Variants in OPHN1 observed in about 807,000 individuals in gnomAD.
OPHN1 encodes oligophrenin-1.
In OPHN1, 11 loss-of-function variants were observed where a neutral mutation model predicts 60.7. The observed-to-expected ratio is 0.18, with a 90% CI of 0.11 to 0.30. OPHN1 has a LOEUF of 0.30. OPHN1 is among the 10% of genes least tolerant of loss of function. The pLI, the probability that OPHN1 is intolerant of heterozygous loss-of-function variation, is 1.00. For synonymous variants in OPHN1, 226 were observed against 222.6 expected (o/e 1.02, Z -0.14); for missense variants, 449 against 611.0 (o/e 0.73, Z 2.80).
intron 8 of OPHN1, 62 bp from the exon 9 acceptor site, chrX:68,210,344 T>A (rs189829645): frequency 9.0e-7 from 1 of 1,115,684 alleles, no homozygotes; most frequent in Non-Finnish European, 1.2e-6. Flanking sequence ...AAAGTATTTC[T>A]TGGTCAGAGA....
At chrX:68,364,393 T>G (rs1467516275) in intron 2 of OPHN1, among the ~76,000 whole-genome samples, 1 of 112,450 alleles carries the variant, frequency 8.9e-6, no homozygotes, top group Non-Finnish European at 1.9e-5. Context: ...CTTTGTACTT[T>G]ATACTTAATA....
intron 2 of OPHN1, among the ~76,000 whole-genome samples, chrX:68,393,049 C>T (rs2078661561): frequency 8.9e-6 from 1 of 112,000 alleles, no homozygotes; most frequent in Non-Finnish European, 1.9e-5. Flanking sequence ...TCAAGCTGTC[C>T]ATGGATGGCA....
intron 21 of OPHN1, among the ~76,000 whole-genome samples, chrX:68,061,556 T>C (rs998345382): frequency 1.2e-4 from 13 of 111,942 alleles, no homozygotes; most frequent in African/African-American, 4.2e-4. Context: ...TTCTTGGCTA[T>C]GTCTCAGAAG....
chrX:68,308,943 C>G (rs1420453607), intron 2 of OPHN1, among the ~76,000 whole-genome samples: 3 of 109,249 alleles, frequency 2.7e-5, no homozygotes, highest in African/African-American at 1.0e-4. Flanking sequence ...TGACACCTGG[C>G]TATTTATTTT....
chrX:68,416,919 T>C (rs905434383), intron 2 of OPHN1, among the ~76,000 whole-genome samples: 2 of 111,742 alleles, frequency 1.8e-5, no homozygotes, highest in Admixed American at 1.9e-4. Flanking sequence ...TATAAACAAA[T>C]AGGTGTGGCT....
intron 5 of OPHN1, among the ~76,000 whole-genome samples, chrX:68,273,815 A>G (rs1285073655): frequency 8.9e-6 from 1 of 112,150 alleles, no homozygotes; most frequent in East Asian, 2.8e-4. Flanking sequence ...ACTGCTATAA[A>G]GAAATACCTG....
chrX:68,133,502 T>C, intron 15 of OPHN1: 1 of 481,126 alleles, frequency 2.1e-6, no homozygotes, highest in Non-Finnish European at 3.9e-6. Context: ...TGTACACTTT[T>C]TGCAACTGGT....
At chrX:68,179,950 C>T (rs2077429599) in intron 15 of OPHN1, among the ~76,000 whole-genome samples, 2 of 111,353 alleles carry the variant, frequency 1.8e-5, no homozygotes, top group South Asian at 7.6e-4. Context: ...AAATACAGCC[C>T]TCATGACTTA....
intron 15 of OPHN1, among the ~76,000 whole-genome samples, chrX:68,126,199 T>C: frequency 9.2e-6 from 1 of 108,981 alleles, no homozygotes; most frequent in Non-Finnish European, 1.9e-5. Flanking sequence ...CCCTTCAGGA[T>C]AAAAACCCTC....
chrX:68,220,220 G>C (rs1283391839), intron 6 of OPHN1, among the ~76,000 whole-genome samples: 9 of 104,648 alleles, frequency 8.6e-5, no homozygotes, highest in African/African-American at 3.1e-4. Flanking sequence ...ACTCTCCCAA[G>C]ACTAAACCAG....
At chrX:68,251,096 G>A (rs1477544388) in intron 5 of OPHN1, among the ~76,000 whole-genome samples, 2 of 109,177 alleles carry the variant, frequency 1.8e-5, no homozygotes, top group African/African-American at 6.7e-5. Flanking sequence ...ATGGTAATGT[G>A]GAAAGAAGAA....
At chrX:68,414,212 T>C (rs1474451409) in intron 2 of OPHN1, among the ~76,000 whole-genome samples, 1 of 111,664 alleles carries the variant, frequency 9.0e-6, no homozygotes, top group African/African-American at 3.3e-5. Flanking sequence ...AAGAGCACTA[T>C]AAATAACAAT....
In OPHN1 at chrX:68,197,273, GA is replaced by G. The variant is rs750428446; in HGVS notation, c.1026-10del. ...GAGTGATGGTTCCTGGCCTGAGGGG[GA>G]AAAAAATGGTAAGTATAAAGCAGAA... On this transcript the variant is annotated splice_polypyrimidine_tract_variant and intron_variant, in intron 11 of 24. Coordinates refer to ENST00000355520, the MANE Select transcript of OPHN1 (RefSeq NM_002547.3). 66 of 1,183,264 alleles carry G rather than the reference GA, an allele frequency of 5.6e-5. No homozygotes were observed. The highest frequency in any genetic ancestry group is 1.4e-4 in the South Asian group (8 of 55,875).
chrX:68,258,425 C>A (rs1039751224), intron 5 of OPHN1, among the ~76,000 whole-genome samples: 101 of 78,118 alleles, frequency 1.3e-3, no homozygotes, highest in Non-Finnish European at 1.8e-3. Flanking sequence ...CCCCCCACCC[C>A]ACAACAGGCC....
At chrX:68,394,567 T>C (rs1251751927) in intron 2 of OPHN1, among the ~76,000 whole-genome samples, 1 of 112,542 alleles carries the variant, frequency 8.9e-6, no homozygotes, top group Non-Finnish European at 1.9e-5. Flanking sequence ...TATCTTTCTA[T>C]TCAAGAATAC....
chrX:68,265,530 G>A (rs758106286), intron 5 of OPHN1, among the ~76,000 whole-genome samples: 2 of 111,416 alleles, frequency 1.8e-5, no homozygotes, highest in African/African-American at 6.5e-5. Context: ...CCATCTGTAC[G>A]TCAAAATCAT....
intron 10 of OPHN1, among the ~76,000 whole-genome samples, chrX:68,202,427 T>C (rs2077538805): frequency 3.6e-5 from 4 of 111,728 alleles, no homozygotes; most frequent in Admixed American, 1.9e-4. Flanking sequence ...ATTCCCTCTC[T>C]TATCTCAACA....
At chrX:68,228,079 C>T (rs1194462786) in intron 6 of OPHN1, among the ~76,000 whole-genome samples, 2 of 111,308 alleles carry the variant, frequency 1.8e-5, no homozygotes, top group African/African-American at 6.5e-5. Context: ...AAGGGGATAT[C>T]ACCACCTTTC....
Position 68,321,002 on chromosome X carries a change from C to T in OPHN1, c.155-21906G>A, listed in dbSNP as rs1330072277. Among the ~76,000 whole-genome samples, 4 of 112,129 alleles carry T rather than the reference C, an allele frequency of 3.6e-5. No homozygotes were observed. The East Asian group carries it at 1.1e-3, about 32-fold the overall frequency. On this transcript the variant is annotated intron_variant, in intron 2 of 24. Transcript: ENST00000355520. ...CCCTTCCCTACTTGGGCATACCACC[C>T]TCTGGGAACCTTCATGTGTTCATCT...
Sources: gnomAD v4.1 joint callset for allele counts (sites outside exome capture counted in the v4.1 genomes callset) on GRCh38, gnomAD v4.1.1 for gene constraint, MANE v1.5 for transcripts, NCBI Gene and HGNC (gene_info 2026-07-23, HGNC 2026-07-21) for gene names.